Variants in ROR1 observed in about 807,000 individuals in gnomAD.
ROR1 encodes ROR family WNT receptor 1.
In ROR1, 19 loss-of-function variants were observed where a neutral mutation model predicts 78.8. The ratio of observed to expected loss-of-function variants is 0.24; its 90% CI spans 0.17 to 0.35. The LOEUF (loss-of-function observed/expected upper bound fraction) is 0.35. Among genes scored for constraint, ROR1 ranks in the 10% least tolerant of loss-of-function variants. The pLI, the probability that ROR1 is intolerant of heterozygous loss-of-function variation, is 1.00. For synonymous variants in ROR1, 386 were observed against 433.6 expected (o/e 0.89, Z 1.36); for missense variants, 917 against 1,177.8 (o/e 0.78, Z 3.24).
At chr1:64,047,278 C>T (rs1646791836) in intron 2 of ROR1, among the ~76,000 whole-genome samples, 1 of 152,174 alleles carries the variant, frequency 6.6e-6, no homozygotes, top group South Asian at 2.1e-4. Flanking sequence ...ACAATAGTAA[C>T]AACATTAATT....
At chr1:64,165,842 C>A (rs542920655) in intron 8 of ROR1, among the ~76,000 whole-genome samples, 42 of 151,594 alleles carry the variant, frequency 2.8e-4, no homozygotes, top group Admixed American at 5.3e-4. Flanking sequence ...GTAGCTGGGA[C>A]TACAGGCATG....
At chr1:63,844,448 G>T (rs186254833) in intron 1 of ROR1, among the ~76,000 whole-genome samples, 385 of 152,314 alleles carry the variant, frequency 2.5e-3, no homozygotes, top group Middle Eastern at 0.01. Flanking sequence ...AGTTACTGCT[G>T]CTAGACTATC....
At chr1:63,881,858 G>T (rs1257003807) in intron 1 of ROR1, among the ~76,000 whole-genome samples, 1 of 152,104 alleles carries the variant, frequency 6.6e-6, no homozygotes, top group Non-Finnish European at 1.5e-5. Context: ...GATTGTGTTG[G>T]GGAGAATTCT....
intron 4 of ROR1, among the ~76,000 whole-genome samples, chr1:64,070,610 A>C (rs60738464): frequency 0.14 from 21,689 of 152,050 alleles, 1,632 homozygotes; most frequent in Middle Eastern, 0.2. Context: ...GTGAGCCACC[A>C]CACCTGGCCT....
At chr1:64,022,502 C>T (rs966803185) in intron 2 of ROR1, among the ~76,000 whole-genome samples, 2 of 152,170 alleles carry the variant, frequency 1.3e-5, no homozygotes, top group African/African-American at 4.8e-5. Context: ...TCTCTGAGGG[C>T]TACAAAAATG....
At chr1:63,979,745 A>T (rs1646192619) in intron 1 of ROR1, among the ~76,000 whole-genome samples, 1 of 152,220 alleles carries the variant, frequency 6.6e-6, no homozygotes, top group African/African-American at 2.4e-5. Flanking sequence ...AGGGCACATG[A>T]TGAAAGGCCA....
intron 1 of ROR1, among the ~76,000 whole-genome samples, chr1:63,930,868 A>C (rs1161001420): frequency 1.3e-5 from 2 of 152,178 alleles, no homozygotes; most frequent in Non-Finnish European, 2.9e-5. Flanking sequence ...TATGGCAGGG[A>C]TGTAGGTCCC....
chr1:64,128,551 G>A (rs1033067187), intron 4 of ROR1, among the ~76,000 whole-genome samples: 5 of 82,570 alleles, frequency 6.1e-5, no homozygotes, highest in Non-Finnish European at 1.3e-4. Context: ...CAGATTGCTA[G>A]AGGATGCCAC....
intron 1 of ROR1, among the ~76,000 whole-genome samples, chr1:63,859,828 C>T (rs1032316961): frequency 5.3e-5 from 8 of 152,216 alleles, no homozygotes; most frequent in African/African-American, 1.7e-4. Flanking sequence ...GAGCTTCAGT[C>T]TCTTCCTCTT....
chr1:63,832,509 G>A (rs1644994463), intron 1 of ROR1, among the ~76,000 whole-genome samples: 2 of 152,128 alleles, frequency 1.3e-5, no homozygotes, highest in Admixed American at 1.3e-4. Flanking sequence ...ATGAGATTTG[G>A]GTGGGGACAC....
intron 4 of ROR1, among the ~76,000 whole-genome samples, chr1:64,056,158 G>A (rs1315444238): frequency 6.6e-6 from 1 of 152,092 alleles, no homozygotes; most frequent in African/African-American, 2.4e-5. Context: ...GCATTGTGGG[G>A]TATGTGTTTT....
chr1:63,851,744 A>G (rs1261289284), intron 1 of ROR1, among the ~76,000 whole-genome samples: 1 of 152,266 alleles, frequency 6.6e-6, no homozygotes, highest in African/African-American at 2.4e-5. Flanking sequence ...TGTGATTTAT[A>G]CAAAACATGT....
intron 2 of ROR1, among the ~76,000 whole-genome samples, chr1:64,017,334 G>A (rs1159844891): frequency 6.6e-6 from 1 of 152,114 alleles, no homozygotes; most frequent in Non-Finnish European, 1.5e-5. Flanking sequence ...CAGTATAGAA[G>A]CATGCAACAT....
Position 64,178,952 on chromosome 1 carries a change from T to A in ROR1, c.*97T>A. ...TTTTTATTAAAGTAAGGTTCTCATT[T>A]AGCAGACATCGCAACAAGTACCTTC... is the stretch of plus-strand genomic sequence containing the variant. On this transcript the variant is annotated 3_prime_UTR_variant, in exon 9 of 9. Transcript: ENST00000371079. This position sits in a 1 kb window ranked among gnomAD's most constrained non-coding sequence, Gnocchi z 4.3. The A allele has an allele frequency of 1.1e-6, 1 of 933,654 alleles. No individual in the cohort carries two copies. Among genetic ancestry groups the A allele is most frequent in the Non-Finnish European group, 1.6e-6 (1 of 629,216 alleles). The allele number at this position is 933,654 out of a possible 1,614,324, so 57.8% of individuals were successfully genotyped here.
In ROR1 at chr1:64,177,798, G is replaced by T. The variant is rs1353284597; in HGVS notation, c.1757G>T (p.Ser586Ile). Residue 586 changes from serine (S) to isoleucine (I), a missense_variant, in exon 9 of 9, where the codon AGC becomes ATC. This residue lies in a region of ROR1 where 835 missense variants were observed against 1,069.8 expected (regional missense o/e 0.78). Coordinates refer to ENST00000371079, the MANE Select transcript of ROR1 (RefSeq NM_005012.4). ...GATGAAGATGGGACTGTGAAATCCA[G>T]CCTGGACCACGGAGATTTTCTGCAC... ...SSDEDGTVKS[S>I]LDHGDFLHIA... The T allele has an allele frequency of 6.2e-6, 10 of 1,614,016 alleles. No individual in the cohort carries two copies. Among genetic ancestry groups the T allele is most frequent in the Non-Finnish European group, 8.5e-6 (10 of 1,180,020 alleles).
At chr1:63,867,215 ATAAT>A (rs1240162579) in intron 1 of ROR1, among the ~76,000 whole-genome samples, 14 of 152,248 alleles carry the variant, frequency 9.2e-5, no homozygotes, top group Non-Finnish European at 1.8e-4. Context: ...TAATAGACAC[ATAAT>A]TAATACTTTT....
chr1:63,781,492 T>C (rs763239267), intron 1 of ROR1, among the ~76,000 whole-genome samples: 1 of 152,172 alleles, frequency 6.6e-6, no homozygotes, highest in Non-Finnish European at 1.5e-5. Context: ...TAAAGTGTGA[T>C]TGGGGAGACA....
intron 4 of ROR1, among the ~76,000 whole-genome samples, chr1:64,115,605 T>C (rs747334499): frequency 7.7e-5 from 11 of 143,120 alleles, no homozygotes; most frequent in Non-Finnish European, 1.5e-4. Flanking sequence ...ATAAAGTATA[T>C]ATATGTGTAT....
intron 1 of ROR1, among the ~76,000 whole-genome samples, chr1:63,784,032 G>A (rs1248824120): frequency 6.6e-6 from 1 of 152,068 alleles, no homozygotes; most frequent in Non-Finnish European, 1.5e-5. Context: ...AAACTGCATT[G>A]CAGTTTTTTT....
Sources: allele counts gnomAD v4.1 joint callset (sites outside exome capture counted in the v4.1 genomes callset), GRCh38; gene constraint gnomAD v4.1.1; regional missense constraint gnomAD v4.1.1; non-coding constraint Gnocchi (gnomAD v3.1); transcripts MANE v1.5; gene names NCBI Gene and HGNC (gene_info 2026-07-23, HGNC 2026-07-21).